The following GBF1 variants were observed in gnomAD, a reference collection of about 807,000 sequenced individuals.
The protein encoded by GBF1 is Golgi-specific brefeldin A-resistance guanine nucleotide exchange factor 1.
Under a neutral mutation model 210.5 loss-of-function variants are expected in GBF1, and 114 were observed. That is an observed-to-expected ratio of 0.54 (90% CI 0.47 to 0.63). The LOEUF (loss-of-function observed/expected upper bound fraction) is 0.63, where lower values mean the gene tolerates loss of function less well. GBF1 is among the 30% of genes least tolerant of loss of function. The pLI is 0.00. For missense variants in GBF1, 1,851 were observed against 2,357.7 expected (o/e 0.79, Z 4.45); for synonymous variants, 850 against 889.2 (o/e 0.96, Z 0.78).
At chr10:102,380,994 CAAAAA>C in intron 38 of GBF1, 128 bp from the exon 39 acceptor site, 1 of 644,028 alleles carries the variant, frequency 1.6e-6, no homozygotes, top group Non-Finnish European at 2.5e-6. Context: ...GATTCCATCT[CAAAAA>C]AAAAAAGTCC....
Position 102,367,485 on chromosome 10 carries a change from G to A in GBF1, c.2567G>A (p.Arg856His), listed in dbSNP as rs377075024. 7 of 1,605,430 alleles carry A rather than the reference G, an allele frequency of 4.4e-6. No homozygotes were observed. Among genetic ancestry groups the A allele is most frequent in the Non-Finnish European group, 6.0e-6 (7 of 1,172,216 alleles). Residue 856 changes from arginine to histidine, a missense_variant, in exon 21 of 40, where the codon CGC becomes CAC. Around this residue, in one of 3 missense-constraint regions of GBF1, gnomAD observed 80 missense variants for 151.4 expected, o/e 0.53. Coordinates refer to ENST00000369983, the MANE Select transcript of GBF1 (RefSeq NM_001377137.1). ...QNAPMTLEEF[R>H]KNLKGVNGGK... ...TTACTGGCCTGTCTCTAGGAGTTTC[G>A]CAAAAATCTGAAAGGTGTGAATGGA...
chr10:102,361,197 A>G (rs182397218), intron 13 of GBF1, 77 bp downstream of exon 13: 36 of 814,262 alleles, frequency 4.4e-5, no homozygotes, highest in Non-Finnish European at 5.9e-5. Flanking sequence ...GGCCAGCTCT[A>G]TCATGCTACA....
intron 3 of GBF1, among the ~76,000 whole-genome samples, chr10:102,342,752 CTTT>C (rs1565133306): frequency 5.3e-5 from 8 of 151,978 alleles, no homozygotes; most frequent in African/African-American, 1.9e-4. Context: ...CTTTTGGTCT[CTTT>C]AGGAAGCCTT....
At chr10:102,261,805 A>C (rs2073273403) in intron 3 of GBF1, among the ~76,000 whole-genome samples, 1 of 151,998 alleles carries the variant, frequency 6.6e-6, no homozygotes, top group African/African-American at 2.4e-5. Context: ...TATTTTTACT[A>C]GAGACGGAGT....
chr10:102,369,363 A>T lies in GBF1; in HGVS notation c.3126A>T (p.Gln1042His). Residue 1042 changes from glutamine (Q) to histidine (H), a missense_variant, in exon 24 of 40, where the codon CAA becomes CAT. Gln to His is a conservative substitution (Grantham distance 24). Transcript: ENST00000369983. ...MEAMLQLFRA[Q>H]LLPKAMIEVE... ...CCATGCTGCAGCTCTTCCGAGCCCA[A>T]CTACTGCCCAAGGCTATGATAGAGG... 1 of 1,613,684 alleles carries T rather than the reference A, an allele frequency of 6.2e-7. No individual in the cohort carries two copies. The highest frequency in any genetic ancestry group is 1.3e-5 in the African/African-American group (1 of 75,046).
upstream of GBF1, among the ~76,000 whole-genome samples, chr10:102,240,551 G>A (rs2070507608): frequency 6.6e-6 from 1 of 152,222 alleles, no homozygotes; most frequent in South Asian, 2.1e-4. Context: ...CTGGGTAGAC[G>A]GACATGCCAC....
chr10:102,347,767 A>G (rs979638380), intron 4 of GBF1, among the ~76,000 whole-genome samples: 14 of 152,114 alleles, frequency 9.2e-5, no homozygotes, highest in African/African-American at 2.2e-4. Flanking sequence ...TCTTGCTCCT[A>G]TGATCCAAGG....
chr10:102,328,269 G>A (rs1227052130), intron 3 of GBF1, among the ~76,000 whole-genome samples: 3 of 152,194 alleles, frequency 2.0e-5, no homozygotes, highest in Admixed American at 6.5e-5. Context: ...AAGGAAGGAG[G>A]ATCACTTGAA....
In GBF1 at chr10:102,370,804, G is replaced by A. The variant is rs199813163; in HGVS notation, c.3604G>A (p.Val1202Met). The A allele has an allele frequency of 3.7e-6, 6 of 1,614,028 alleles. No individual in the cohort carries two copies. In the Admixed American group the frequency reaches 1.0e-4, roughly 27 times the overall value. Residue 1202 changes from valine (V) to methionine (M), a missense_variant, in exon 29 of 40, where the codon GTG becomes ATG. Coordinates refer to ENST00000369983, the MANE Select transcript of GBF1 (RefSeq NM_001377137.1). ...CTGCTTCCTTGTGGAGCGGGCAGTGGTGGGGTTGCTACGCCTGGCCATTCG... is the reference window on the plus strand; with the variant it reads ...CTGCTTCCTTGTGGAGCGGGCAGTGATGGGGTTGCTACGCCTGGCCATTCG... ...DFCFLVERAV[V>M]GLLRLAIRLL...
chr10:102,351,475 G>A, intron 5 of GBF1, 101 bp downstream of exon 5: 1 of 740,180 alleles, frequency 1.4e-6, no homozygotes, highest in Middle Eastern at 3.6e-4. Context: ...TGACTCCACT[G>A]GGGCTTAGGG....
rs200416208 is a variant in GBF1 at position 102,358,517 on chromosome 10, T to C, written c.799T>C (p.Phe267Leu). Reference protein sequence around the residue: ...LSSNLTGGMPFIDVPTPISSA... With the variant: ...LSSNLTGGMPLIDVPTPISSA... ...ACTTTTCTTGGCAGGTGGCATGCCCTTCATTGATGTGCCCACTCCCATCTC... is the reference window on the plus strand; with the variant it reads ...ACTTTTCTTGGCAGGTGGCATGCCCCTCATTGATGTGCCCACTCCCATCTC... The change falls in exon 10 of 40, where the codon TTC becomes CTC. Residue 267 changes from phenylalanine (F) to leucine (L), a missense_variant. Physicochemically the swap from Phe to Leu is conservative, Grantham distance 22. This residue lies in a region of GBF1 where 804 missense variants were observed against 958.6 expected (regional missense o/e 0.84). Transcript: ENST00000369983. The C allele has an allele frequency of 5.6e-6, 9 of 1,612,444 alleles. No homozygotes were observed. In the South Asian group the frequency reaches 8.8e-5, roughly 16 times the overall value.
chr10:102,373,112 A>G (rs559004090), intron 29 of GBF1, among the ~76,000 whole-genome samples: 38 of 152,210 alleles, frequency 2.5e-4, no homozygotes, highest in Non-Finnish European at 5.1e-4. Context: ...CAAATCACAT[A>G]TTTGAAGAAA....
At chr10:102,254,972 T>C (rs548427197) in intron 1 of GBF1, among the ~76,000 whole-genome samples, 1 of 152,294 alleles carries the variant, frequency 6.6e-6, no homozygotes, top group South Asian at 2.1e-4. Flanking sequence ...TGAGGGGACA[T>C]ACTCAGAGAC....
At chr10:102,233,461 G>A in the GBF1 span, among the ~76,000 whole-genome samples, 12 of 151,714 alleles carry the variant, frequency 7.9e-5, no homozygotes, top group African/African-American at 2.4e-4. Context: ...GTGCCCCCAC[G>A]CCTGGCTAAT....
intron 3 of GBF1, among the ~76,000 whole-genome samples, chr10:102,332,149 C>T (rs1342523792): frequency 2.0e-5 from 3 of 151,926 alleles, no homozygotes; most frequent in South Asian, 2.1e-4. Flanking sequence ...TGTGAGCCAC[C>T]GCACCCAGCC....
intron 3 of GBF1, among the ~76,000 whole-genome samples, chr10:102,268,134 T>G (rs2074047887): frequency 6.6e-6 from 1 of 152,220 alleles, no homozygotes; most frequent in Admixed American, 6.5e-5. Context: ...ATTTGACACT[T>G]TTAAACCAAG....
At chr10:102,381,799 T>C (rs2060865344) in intron 39 of GBF1, among the ~76,000 whole-genome samples, 3 of 113,254 alleles carry the variant, frequency 2.6e-5, no homozygotes, top group Non-Finnish European at 4.9e-5. Context: ...CACTCCAACC[T>C]GGGTGATAGT....
intron 3 of GBF1, among the ~76,000 whole-genome samples, chr10:102,338,496 G>A (rs559455124): frequency 6.5e-4 from 98 of 151,794 alleles, no homozygotes; most frequent in Middle Eastern, 3.4e-3. Context: ...CACTCACCTC[G>A]GCCTCCCAAA....
At chr10:102,286,167 G>A (rs771112384) in intron 3 of GBF1, among the ~76,000 whole-genome samples, 2 of 150,758 alleles carry the variant, frequency 1.3e-5, no homozygotes, top group Non-Finnish European at 2.9e-5. Context: ...TTGGCCTTGA[G>A]AGATTTGGGG....
Sources: gnomAD v4.1 joint callset for allele counts (sites outside exome capture counted in the v4.1 genomes callset) on GRCh38, gnomAD v4.1.1 for gene constraint, gnomAD v4.1.1 regional missense constraint, MANE v1.5 for transcripts, NCBI Gene and HGNC (gene_info 2026-07-23, HGNC 2026-07-21) for gene names.